NPAS3: variants seen among roughly 807,000 people sequenced by gnomAD.
The protein encoded by NPAS3 is neuronal PAS domain protein 3, also known as neuronal PAS domain-containing protein 3.
A neutral mutation model predicts 73.1 loss-of-function variants in NPAS3; 14 were observed. The ratio of observed to expected loss-of-function variants is 0.19; its 90% confidence interval spans 0.13 to 0.30. The LOEUF (loss-of-function observed/expected upper bound fraction) is 0.30, where lower values mean the gene tolerates loss of function less well. Among genes scored for constraint, NPAS3 ranks in the 10% least tolerant of loss-of-function variants. NPAS3 has a pLI of 1.00. For synonymous variants in NPAS3, 620 were observed against 541.5 expected (o/e 1.14, Z -2.01); for missense variants, 1,096 against 1,250.0 (o/e 0.88, Z 1.86).
rs542373617 is a variant in NPAS3 at position 33,157,784 on chromosome 14, C to T, written c.141-57398C>T. On this transcript the variant is annotated intron_variant, in intron 2 of 11. Transcript: ENST00000356141. ...AGCTAGGTCGCCTGGGTTTGGATGT[C>T]TTCCTGACCACTTACAAGTGACCTT... Among the ~76,000 whole-genome samples, 4 of 152,288 alleles carry T rather than the reference C, an allele frequency of 2.6e-5. No homozygotes were observed. In the South Asian group the frequency reaches 8.3e-4, roughly 32 times the overall value.
At chr14:33,774,565 C>T (rs762869725) in intron 8 of NPAS3, 35 bp downstream of exon 8, 27 of 1,541,222 alleles carry the variant, frequency 1.8e-5, no homozygotes, top group South Asian at 2.3e-5. Context: ...CCCTGTTGCA[C>T]GTTGCACATT....
chr14:33,637,104 C>T (rs546116545), intron 5 of NPAS3, among the ~76,000 whole-genome samples: 1 of 152,190 alleles, frequency 6.6e-6, no homozygotes, highest in South Asian at 2.1e-4. Flanking sequence ...TGTGGAGAAA[C>T]AAACTATTTT....
At chr14:33,659,108 A>G (rs1336655372) in intron 5 of NPAS3, among the ~76,000 whole-genome samples, 1 of 152,226 alleles carries the variant, frequency 6.6e-6, no homozygotes, top group Non-Finnish European at 1.5e-5. Flanking sequence ...CAAGGTTTGT[A>G]GAAATGAATT....
intron 1 of NPAS3, among the ~76,000 whole-genome samples, chr14:32,989,382 C>A (rs1453689111): frequency 1.3e-5 from 2 of 152,158 alleles, no homozygotes; most frequent in Non-Finnish European, 2.9e-5. Context: ...CGGTGGCTCA[C>A]GCCTGTAATC....
At chr14:33,756,278 T>C (rs904151345) in intron 7 of NPAS3, among the ~76,000 whole-genome samples, 1 of 152,218 alleles carries the variant, frequency 6.6e-6, no homozygotes, top group African/African-American at 2.4e-5. Flanking sequence ...ACCCACCTAC[T>C]ACATAGTGAA....
At chr14:33,002,661 T>C (rs915656743) in intron 1 of NPAS3, among the ~76,000 whole-genome samples, 2 of 152,200 alleles carry the variant, frequency 1.3e-5, no homozygotes, top group African/African-American at 4.8e-5. Flanking sequence ...TACTGATACC[T>C]GGAGACAAAG....
intron 5 of NPAS3, among the ~76,000 whole-genome samples, chr14:33,669,080 T>C (rs1455923126): frequency 6.6e-6 from 1 of 152,210 alleles, no homozygotes; most frequent in Non-Finnish European, 1.5e-5. Context: ...ATCAAGGATT[T>C]TATGTTGATT....
chr14:32,996,560 C>T (rs1595180647), intron 1 of NPAS3, among the ~76,000 whole-genome samples: 1 of 152,224 alleles, frequency 6.6e-6, no homozygotes, highest in African/African-American at 2.4e-5. Context: ...GATGTGGTGC[C>T]CTGTATCCCA....
intron 4 of NPAS3, among the ~76,000 whole-genome samples, chr14:33,446,836 G>A (rs1425791497): frequency 6.6e-6 from 1 of 152,202 alleles, no homozygotes; most frequent in Non-Finnish European, 1.5e-5. Context: ...GCTGCAAAAT[G>A]AGATAATATT....
chr14:33,529,556 C>T (rs375961492), intron 4 of NPAS3, among the ~76,000 whole-genome samples: 1 of 152,100 alleles, frequency 6.6e-6, no homozygotes, highest in East Asian at 1.9e-4. Context: ...GTAGTGGTGA[C>T]ATTATCAATC....
chr14:33,674,222 T>C (rs2059690897), intron 5 of NPAS3, among the ~76,000 whole-genome samples: 1 of 151,896 alleles, frequency 6.6e-6, no homozygotes, highest in Non-Finnish European at 1.5e-5. Context: ...AATAACCAGC[T>C]CCCCTAAAAA....
chr14:33,316,579 G>A (rs1001734311), intron 3 of NPAS3, among the ~76,000 whole-genome samples: 4 of 152,068 alleles, frequency 2.6e-5, no homozygotes, highest in Non-Finnish European at 5.9e-5. Flanking sequence ...TAGCCTCAGT[G>A]TTGACTAATA....
intron 2 of NPAS3, among the ~76,000 whole-genome samples, chr14:33,175,972 C>T (rs533561039): frequency 1.3e-5 from 2 of 152,080 alleles, no homozygotes; most frequent in East Asian, 1.9e-4. Flanking sequence ...TTTAAAAATG[C>T]TTGCTATCAT....
intron 7 of NPAS3, among the ~76,000 whole-genome samples, chr14:33,742,776 G>T (rs2061687945): frequency 6.6e-6 from 1 of 152,188 alleles, no homozygotes; most frequent in Non-Finnish European, 1.5e-5. Context: ...CTGAAGTCAA[G>T]CTTTTCAAAC....
chr14:33,278,449 T>C (rs1030321348), intron 3 of NPAS3, among the ~76,000 whole-genome samples: 2 of 149,072 alleles, frequency 1.3e-5, no homozygotes, highest in Non-Finnish European at 1.5e-5. Context: ...TTTGGGAAGA[T>C]CCAGCCAATG....
chr14:33,293,305 CAGAAAA>C (rs2042171728), intron 3 of NPAS3, among the ~76,000 whole-genome samples: 1 of 152,044 alleles, frequency 6.6e-6, no homozygotes, highest in Non-Finnish European at 1.5e-5. Context: ...AATTTATAAG[CAGAAAA>C]AATAAAGGTG....
At chr14:33,046,702 G>A (rs1195475689) in intron 1 of NPAS3, among the ~76,000 whole-genome samples, 2 of 152,200 alleles carry the variant, frequency 1.3e-5, no homozygotes, top group African/African-American at 4.8e-5. Flanking sequence ...AGAGCCGGGA[G>A]CAGTGGCTCA....
chr14:33,075,901 T>A (rs991521075), intron 2 of NPAS3, among the ~76,000 whole-genome samples: 1 of 152,198 alleles, frequency 6.6e-6, no homozygotes, highest in Non-Finnish European at 1.5e-5. Context: ...ATTAAAAAAT[T>A]AAACTGTTTT....
chr14:33,547,427 A>G (rs1228555476), intron 4 of NPAS3, among the ~76,000 whole-genome samples: 1 of 152,208 alleles, frequency 6.6e-6, no homozygotes, highest in Non-Finnish European at 1.5e-5. Context: ...CTTGGTCTTC[A>G]AAATTTGTCA....
Sources: allele counts gnomAD v4.1 joint callset (sites outside exome capture counted in the v4.1 genomes callset), GRCh38; gene constraint gnomAD v4.1.1; transcripts MANE v1.5; gene names NCBI Gene and HGNC (gene_info 2026-07-23, HGNC 2026-07-21).